SUPV3L1: variants seen among roughly 807,000 people sequenced by gnomAD.
SUPV3L1 encodes the protein Suv3 like RNA helicase.
In SUPV3L1, 35 loss-of-function variants were observed where a neutral mutation model predicts 70.0. The ratio of observed to expected loss-of-function variants is 0.50; its 90% CI spans 0.38 to 0.66. The LOEUF is 0.66. Ranked by LOEUF, SUPV3L1 falls within the 30% of genes least tolerant of loss-of-function variation. SUPV3L1 has a pLI of 0.00. For synonymous variants in SUPV3L1, 364 were observed against 341.9 expected (o/e 1.06, Z -0.71); for missense variants, 777 against 961.5 (o/e 0.81, Z 2.54).
intron 2 of SUPV3L1, 21 bp downstream of exon 2, chr10:69,186,085 A>G: frequency 6.2e-7 from 1 of 1,602,746 alleles, no homozygotes; most frequent in Non-Finnish European, 8.5e-7. Context: ...AAACATCTTC[A>G]TAGAGGTATT....
At chr10:69,191,047 T>C (rs1177833502) in intron 5 of SUPV3L1, among the ~76,000 whole-genome samples, 1 of 152,194 alleles carries the variant, frequency 6.6e-6, no homozygotes, top group African/African-American at 2.4e-5. Flanking sequence ...TAGAAACAAC[T>C]CATTTTAATG....
At chr10:69,199,802 A>G (rs1205292622) in intron 10 of SUPV3L1, among the ~76,000 whole-genome samples, 3 of 152,094 alleles carry the variant, frequency 2.0e-5, no homozygotes, top group East Asian at 3.9e-4. Flanking sequence ...GCTAGTTATT[A>G]TCTCTAAATG....
chr10:69,189,592 A>G (rs1376506057), intron 5 of SUPV3L1, among the ~76,000 whole-genome samples, 157 bp downstream of exon 5: 1 of 151,920 alleles, frequency 6.6e-6, no homozygotes, highest in East Asian at 1.9e-4. Context: ...ATTATTTTAT[A>G]TACAGTTAAG....
At position 69,186,497 on chromosome 10, in the gene SUPV3L1, A is replaced by G. The variant is rs1842237294; in HGVS notation, c.404A>G (p.His135Arg). The part of the protein sequence containing the change: ...ISFRNYIMQS[H>R]SLDVDIHIVL... ...TTTAGAAATTATATTATGCAGTCTC[A>G]TTCCCTGGATGTGGACATTCACATT... Residue 135 changes from histidine (H) to arginine (R), a missense_variant, in exon 3 of 15, where the codon CAT (histidine) becomes CGT (arginine). By Grantham distance (29) the His-to-Arg change is conservative. Coordinates refer to ENST00000359655, the MANE Select transcript of SUPV3L1 (RefSeq NM_003171.5). 1.9e-6 allele frequency: 3 copies of G among 1,613,986 alleles called. No individual in the cohort carries two copies. Among genetic ancestry groups the G allele is most frequent in the Admixed American group, 3.3e-5 (2 of 59,978 alleles).
chr10:69,202,593 G>A (rs1842713744), intron 12 of SUPV3L1, 74 bp downstream of exon 12: 6 of 1,362,740 alleles, frequency 4.4e-6, no homozygotes, highest in South Asian at 2.5e-5. Context: ...AACCTCATGA[G>A]CATGAATGGA....
chr10:69,187,617 G>T, intron 3 of SUPV3L1, 25 bp from the exon 4 acceptor site: 1 of 1,495,630 alleles, frequency 6.7e-7, no homozygotes, highest in Non-Finnish European at 9.2e-7. Flanking sequence ...GATTGCACAT[G>T]TTAATACAGT....
chr10:69,186,341 A>G (rs72812152), intron 2 of SUPV3L1, 102 bp from the exon 3 acceptor site: 28,613 of 628,996 alleles, frequency 0.045, 119 homozygotes, highest in Non-Finnish European at 0.052. Flanking sequence ...AAAAAAAAAA[A>G]AAAGAAAAAA....
At chr10:69,201,115 C>G (rs1403852126) in intron 11 of SUPV3L1, among the ~76,000 whole-genome samples, 1 of 152,104 alleles carries the variant, frequency 6.6e-6, no homozygotes, top group African/African-American at 2.4e-5. Flanking sequence ...GGGAGAGAAG[C>G]TTCCAGGGGA....
Position 69,198,487 on chromosome 10 carries a change from CTG to C in SUPV3L1, c.1142_1143del (p.Val381GlufsTer5), listed in dbSNP as rs773772937. ...TGTTTTAGCAAGAATGATATTTATT[CTG>C]TGAGTCGGCAGATTGAAATTCGGGG... On this transcript the variant is annotated frameshift_variant, in exon 9 of 15. Transcript: ENST00000359655. LOFTEE classifies it high-confidence loss of function. The C allele has an allele frequency of 6.2e-7, 1 of 1,614,038 alleles. No individual in the cohort carries two copies. The highest frequency in any genetic ancestry group is 1.1e-5 in the South Asian group (1 of 91,074).
At chr10:69,188,158 G>A (rs1049538979) in intron 4 of SUPV3L1, among the ~76,000 whole-genome samples, 2 of 152,146 alleles carry the variant, frequency 1.3e-5, no homozygotes, top group Non-Finnish European at 1.5e-5. Flanking sequence ...CTCATTCCTA[G>A]ACCCTGCCGA....
At chr10:69,182,689 A>G (rs1301806715) in intron 1 of SUPV3L1, 1 of 985,264 alleles carries the variant, frequency 1.0e-6, no homozygotes, top group Admixed American at 6.2e-5. Flanking sequence ...GGATTGGTCC[A>G]GATGTTGAAT....
Position 69,198,555 on chromosome 10 carries a change from A to G in SUPV3L1, c.1204+3A>G. On this transcript the variant is annotated splice_donor_region_variant and intron_variant, in intron 9 of 14. Coordinates refer to ENST00000359655, the MANE Select transcript of SUPV3L1 (RefSeq NM_003171.5). ...TATATATGGCAGTCTCCCACCTGGT[A>G]ATTATTGACTTTCCTCGTGACAAGA... is the stretch of plus-strand genomic sequence containing the variant. 6.2e-7 allele frequency: 1 copy of G among 1,611,746 alleles called. No homozygotes were observed. The highest frequency in any genetic ancestry group is 8.5e-7 in the Non-Finnish European group (1 of 1,179,466).
intron 3 of SUPV3L1, 97 bp from the exon 4 acceptor site, chr10:69,187,545 C>A: frequency 2.6e-6 from 2 of 769,504 alleles, no homozygotes; most frequent in Non-Finnish European, 4.2e-6. Flanking sequence ...CCTGGCAGTG[C>A]CCCCGCAACT....
At position 69,180,344 on chromosome 10, in the gene SUPV3L1, C is replaced by T. The variant is rs1343565419; in HGVS notation, c.53C>T (p.Ala18Val). ...LWARLPAGRQ[A>V]GHRAAICSAL... ...GCTCGGCTCCCGGCGGGGCGCCAGG[C>T]TGGCCACCGGGCAGCCATCTGCTCT... The change falls in exon 1 of 15, where the codon GCT (alanine) becomes GTT (valine). Residue 18 changes from alanine to valine, a missense_variant. By Grantham distance (64) the Ala-to-Val change is moderately conservative (BLOSUM62 0). This residue lies in a region of SUPV3L1 where 158 missense variants were observed against 138.3 expected (regional missense o/e 1.14). Transcript: ENST00000359655. 4 of 1,614,000 alleles carry T rather than the reference C, an allele frequency of 2.5e-6. No individual in the cohort carries two copies. Among genetic ancestry groups the T allele is most frequent in the Non-Finnish European group, 3.4e-6 (4 of 1,180,016 alleles).
intron 1 of SUPV3L1, among the ~76,000 whole-genome samples, chr10:69,182,995 C>T (rs1162757250): frequency 2.6e-5 from 4 of 152,126 alleles, no homozygotes; most frequent in Non-Finnish European, 2.9e-5. Flanking sequence ...TACCCTGGAC[C>T]TCTCTCCTTC....
intron 4 of SUPV3L1, among the ~76,000 whole-genome samples, chr10:69,188,317 T>G (rs1281277290): frequency 1.3e-5 from 2 of 152,114 alleles, no homozygotes; most frequent in African/African-American, 4.8e-5. Context: ...GAACTTAATC[T>G]CTGCTGCTCG....
chr10:69,186,347 A>AG, intron 2 of SUPV3L1, 96 bp from the exon 3 acceptor site: 1 of 931,904 alleles, frequency 1.1e-6, no homozygotes, highest in South Asian at 1.5e-5. Context: ...AAAAAAAAGA[A>AG]AAAAAAAGAC....
At chr10:69,196,892 A>G (rs1388703965) in intron 7 of SUPV3L1, 100 bp from the exon 8 acceptor site, 11 of 976,438 alleles carry the variant, frequency 1.1e-5, no homozygotes, top group Non-Finnish European at 1.7e-5. Context: ...TAAGGTTGTA[A>G]AGCAATATGT....
At chr10:69,201,936 G>A (rs1842693347) in intron 11 of SUPV3L1, among the ~76,000 whole-genome samples, 1 of 151,764 alleles carries the variant, frequency 6.6e-6, no homozygotes. Flanking sequence ...TGCCTGCTGG[G>A]TTCAAGTGAT....
Sources: gnomAD v4.1 joint callset for allele counts (sites outside exome capture counted in the v4.1 genomes callset) on GRCh38, gnomAD v4.1.1 for gene constraint, gnomAD v4.1.1 regional missense constraint, MANE v1.5 for transcripts, NCBI Gene and HGNC (gene_info 2026-07-23, HGNC 2026-07-21) for gene names.